The following MERTK variants were observed in gnomAD, a reference collection of about 807,000 sequenced individuals.
MERTK encodes MER proto-oncogene, tyrosine kinase.
In MERTK, 69 loss-of-function variants were observed where a neutral mutation model predicts 99.3. The ratio of observed to expected loss-of-function variants is 0.70; its 90% CI spans 0.57 to 0.85. The LOEUF is 0.85. Ranked by LOEUF, MERTK falls within the 40% of genes least tolerant of loss-of-function variation. MERTK has a pLI of 0.00. For synonymous variants in MERTK, 426 were observed against 467.6 expected, an observed-to-expected ratio of 0.91 and a Z score of 1.15; for missense variants, 1,125 against 1,249.4, an observed-to-expected ratio of 0.90 and a Z score of 1.50.
intron 1 of MERTK, among the ~76,000 whole-genome samples, chr2:111,901,190 C>T (rs540478836): frequency 6.6e-6 from 1 of 152,172 alleles, no homozygotes; most frequent in African/African-American, 2.4e-5. Context: ...AGCGGTGGCT[C>T]TCTGAAGGGC....
chr2:111,905,124 CT>C, intron 1 of MERTK, among the ~76,000 whole-genome samples: 1 of 152,348 alleles, frequency 6.6e-6, no homozygotes, highest in South Asian at 2.1e-4. Flanking sequence ...CACTTCCTCC[CT>C]CCTAGGCCTT....
At position 112,029,108 on chromosome 2, in the gene MERTK, T is replaced by G. The variant is rs1677529719; in HGVS notation, c.*244T>G. ...ATATTTTAATAAAACATTACTTATT[T>G]CATTTCACTTATCTTGCATATCTTA... is the stretch of plus-strand genomic sequence containing the variant. On this transcript the variant is annotated 3_prime_UTR_variant, in exon 19 of 19. Coordinates refer to ENST00000295408, the MANE Select transcript of MERTK (RefSeq NM_006343.3). The G allele has an allele frequency of 8.4e-7, 1 of 1,196,446 alleles. No homozygotes were observed. The highest frequency in any genetic ancestry group is 1.6e-5 in the African/African-American group (1 of 64,302). The allele number at this position is 1,196,446 out of a possible 1,614,324, so 74.1% of individuals were successfully genotyped here.
chr2:111,943,375 A>T (rs1274007196), intron 2 of MERTK, among the ~76,000 whole-genome samples: 1 of 152,134 alleles, frequency 6.6e-6, no homozygotes, highest in East Asian at 1.9e-4. Flanking sequence ...ATCTGAAAGT[A>T]TTTAAAAATG....
At chr2:111,952,815 C>A (rs1439640571) in intron 4 of MERTK, 1 of 152,210 alleles carries the variant, frequency 6.6e-6, no homozygotes, top group Non-Finnish European at 1.5e-5. Context: ...ACATTCTAAT[C>A]TCCCTCCAAA....
At chr2:111,977,044 ATCTTTT>A (rs1166213844) in intron 7 of MERTK, among the ~76,000 whole-genome samples, 3 of 152,142 alleles carry the variant, frequency 2.0e-5, no homozygotes, top group Non-Finnish European at 4.4e-5. Flanking sequence ...TCAGTCAGTA[ATCTTTT>A]ACAAAGAGAT....
At chr2:111,951,802 A>G (rs918652770) in intron 4 of MERTK, among the ~76,000 whole-genome samples, 3 of 152,002 alleles carry the variant, frequency 2.0e-5, no homozygotes, top group African/African-American at 7.2e-5. Context: ...TCAACAGTGT[A>G]CAGCCAATCA....
chr2:111,984,118 A>G (rs1676424960), intron 8 of MERTK, among the ~76,000 whole-genome samples: 1 of 152,150 alleles, frequency 6.6e-6, no homozygotes, highest in African/African-American at 2.4e-5. Context: ...AAACAGGGGC[A>G]GTGGTGTAGA....
At chr2:111,947,774 G>C (rs1333840778) in intron 4 of MERTK, among the ~76,000 whole-genome samples, 1 of 152,162 alleles carries the variant, frequency 6.6e-6, no homozygotes, top group Non-Finnish European at 1.5e-5. Context: ...AAACAGGTGA[G>C]GGCCTCTGGG....
intron 1 of MERTK, among the ~76,000 whole-genome samples, chr2:111,923,804 G>A (rs2104680192): frequency 6.6e-6 from 1 of 152,262 alleles, no homozygotes; most frequent in African/African-American, 2.4e-5. Flanking sequence ...TTCCACTTCT[G>A]TGGGGGAAAA....
At chr2:112,005,531 G>C (rs1676962993) in intron 13 of MERTK, among the ~76,000 whole-genome samples, 1 of 152,300 alleles carries the variant, frequency 6.6e-6, no homozygotes, top group East Asian at 1.9e-4. Context: ...CCTTCTTCCA[G>C]GAAGTGCATT....
At chr2:111,904,952 G>C (rs897995708) in intron 1 of MERTK, among the ~76,000 whole-genome samples, 1 of 152,194 alleles carries the variant, frequency 6.6e-6, no homozygotes, top group African/African-American at 2.4e-5. Context: ...TGGCTAACCC[G>C]TGACCGGAGT....
At chr2:112,005,838 T>C (rs988287057) in intron 13 of MERTK, among the ~76,000 whole-genome samples, 1 of 152,176 alleles carries the variant, frequency 6.6e-6, no homozygotes, top group Non-Finnish European at 1.5e-5. Flanking sequence ...ATAAGTTAGA[T>C]TGTAAGCATG....
chr2:111,927,446 T>A (rs1411389822), intron 1 of MERTK, among the ~76,000 whole-genome samples: 1 of 152,142 alleles, frequency 6.6e-6, no homozygotes, highest in South Asian at 2.1e-4. Context: ...AATACTTAAC[T>A]GAATACTTAA....
chr2:111,959,274 T>G (rs1685202369), intron 4 of MERTK, among the ~76,000 whole-genome samples: 1 of 152,176 alleles, frequency 6.6e-6, no homozygotes, highest in Non-Finnish European at 1.5e-5. Flanking sequence ...ATCTTCTTTC[T>G]TAAAATCAAT....
intron 18 of MERTK, among the ~76,000 whole-genome samples, chr2:112,023,102 AC>A (rs1677390898): frequency 6.6e-6 from 1 of 151,932 alleles, no homozygotes; most frequent in Non-Finnish European, 1.5e-5. Context: ...ACATAGAGAG[AC>A]CCTGTCTTTA....
intron 9 of MERTK, chr2:111,995,332 G>A (rs1179093803): frequency 5.6e-6 from 1 of 179,220 alleles, no homozygotes; most frequent in Non-Finnish European, 1.2e-5. Context: ...ACCCAATGGA[G>A]CCACCTTTGT....
At chr2:112,020,826 C>T (rs371118196) in intron 16 of MERTK, among the ~76,000 whole-genome samples, 114 of 152,192 alleles carry the variant, frequency 7.5e-4, no homozygotes, top group African/African-American at 2.4e-3. Flanking sequence ...TCCATGTTCT[C>T]CAGCTGTTTC....
chr2:111,992,296 A>AT (rs1360486674), intron 8 of MERTK, among the ~76,000 whole-genome samples: 5 of 152,138 alleles, frequency 3.3e-5, no homozygotes. Context: ...TGGAGCCTCC[A>AT]TGAAAGGCCC....
At chr2:111,940,633 A>T in intron 2 of MERTK, 2 of 676,228 alleles carry the variant, frequency 3.0e-6, no homozygotes, top group Middle Eastern at 2.7e-4. Context: ...AGCCAAAGCC[A>T]TTACACCAGG....
Sources: allele counts gnomAD v4.1 joint callset (sites outside exome capture counted in the v4.1 genomes callset), GRCh38; gene constraint gnomAD v4.1.1; transcripts MANE v1.5; gene names NCBI Gene and HGNC (gene_info 2026-07-23, HGNC 2026-07-21).